Variants in CHD9 observed in about 807,000 individuals in gnomAD.
CHD9 encodes ATP-dependent chromatin remodeler CHD9.
CHD9 carries 77 observed loss-of-function variants against 316.1 expected under a neutral mutation model. The observed-to-expected ratio is 0.24, with a 90% CI of 0.20 to 0.29. The LOEUF (loss-of-function observed/expected upper bound fraction) is 0.29, where lower values mean the gene tolerates loss of function less well. Among genes scored for constraint, CHD9 ranks in the 10% least tolerant of loss-of-function variants. The probability of loss-of-function intolerance (pLI) is 1.00; values close to 1 mark genes in which losing one functional copy is unlikely to be tolerated. For missense variants in CHD9, 2,763 were observed against 3,438.1 expected (o/e 0.80, Z 4.91); for synonymous variants, 1,129 against 1,158.3 (o/e 0.97, Z 0.51).
chr16:53,069,346 T>C (rs1433310438), intron 1 of CHD9, among the ~76,000 whole-genome samples: 1 of 152,214 alleles, frequency 6.6e-6, no homozygotes, highest in Non-Finnish European at 1.5e-5. Context: ...TTCACATTGT[T>C]GTACAACCAT....
intron 30 of CHD9, among the ~76,000 whole-genome samples, chr16:53,301,299 A>G (rs930188526): frequency 6.6e-6 from 1 of 152,206 alleles, no homozygotes; most frequent in Non-Finnish European, 1.5e-5. Flanking sequence ...AATGTGAGTG[A>G]GGTTGAGGTT....
intron 13 of CHD9, among the ~76,000 whole-genome samples, chr16:53,243,691 C>T (rs916918781): frequency 6.6e-6 from 1 of 152,182 alleles, no homozygotes; most frequent in East Asian, 1.9e-4. Flanking sequence ...TTATATTATT[C>T]AGATCATTTA....
intron 1 of CHD9, among the ~76,000 whole-genome samples, chr16:53,137,519 T>A (rs900058131): frequency 2.0e-5 from 3 of 152,314 alleles, no homozygotes; most frequent in Admixed American, 2.0e-4. Flanking sequence ...AAATTTGTTG[T>A]TCCAATTTCT....
rs1206872711 is a variant in CHD9, at chr16:53,304,516, T to C, written c.6510T>C (p.Ser2170=). Residue 2170 remains serine (S), a synonymous_variant, in exon 31 of 39, where the codon TCT becomes TCC. Transcript: ENST00000447540. The part of the protein sequence containing the change: ...RSGSSSSSSS[S]CSSASSSSSS... ...GCTCTAGTTCTTCTTCATCTTCATC[T>C]TGTTCTTCAGCATCTTCTTCATCCT... The C allele has an allele frequency of 6.4e-7, 1 of 1,550,862 alleles. No homozygotes were observed. Among genetic ancestry groups the C allele is most frequent in the Admixed American group, 2.0e-5 (1 of 51,010 alleles).
intron 36 of CHD9, among the ~76,000 whole-genome samples, chr16:53,316,578 T>G (rs1320871171): frequency 6.6e-6 from 1 of 152,222 alleles, no homozygotes; most frequent in Non-Finnish European, 1.5e-5. Flanking sequence ...CATTTGTTCC[T>G]CTAAAGATTA....
chr16:53,093,055 A>T (rs781669681), intron 1 of CHD9, among the ~76,000 whole-genome samples: 1 of 152,222 alleles, frequency 6.6e-6, no homozygotes, highest in African/African-American at 2.4e-5. Flanking sequence ...TTGGGATTAC[A>T]GGCATGAGCC....
intron 2 of CHD9, among the ~76,000 whole-genome samples, chr16:53,193,549 C>T (rs1170487377): frequency 5.9e-5 from 9 of 152,126 alleles, no homozygotes; most frequent in Admixed American, 5.9e-4. Context: ...ATAATCTGAG[C>T]ATCTTTTCTA....
At chr16:53,272,987 G>A (rs2052419210) in intron 22 of CHD9, among the ~76,000 whole-genome samples, 1 of 152,128 alleles carries the variant, frequency 6.6e-6, no homozygotes, top group Non-Finnish European at 1.5e-5. Flanking sequence ...TACTCAGGAG[G>A]CTGAGGGAGG....
intron 1 of CHD9, among the ~76,000 whole-genome samples, chr16:53,148,255 T>C (rs1032232128): frequency 2.6e-5 from 4 of 152,096 alleles, no homozygotes; most frequent in African/African-American, 9.7e-5. Flanking sequence ...TTTGTTTTTG[T>C]TTTTTAGACA....
intron 1 of CHD9, among the ~76,000 whole-genome samples, chr16:53,086,616 A>T (rs2035481767): frequency 6.6e-6 from 1 of 152,232 alleles, no homozygotes; most frequent in Non-Finnish European, 1.5e-5. Context: ...ATGAGGAAAA[A>T]AATCATTTGT....
chr16:53,282,185 A>C (rs558059471), intron 24 of CHD9, among the ~76,000 whole-genome samples: 3 of 152,130 alleles, frequency 2.0e-5, no homozygotes, highest in African/African-American at 7.2e-5. Flanking sequence ...TAACATGTTT[A>C]CATCTCTGTC....
chr16:53,068,770 T>G (rs1324253501), intron 1 of CHD9, among the ~76,000 whole-genome samples: 1 of 152,234 alleles, frequency 6.6e-6, no homozygotes, highest in Non-Finnish European at 1.5e-5. Context: ...GTCTTGTTTA[T>G]ACCTGCGGTA....
intron 2 of CHD9, among the ~76,000 whole-genome samples, chr16:53,200,386 A>C (rs1255988633): frequency 6.6e-6 from 1 of 150,856 alleles, no homozygotes; most frequent in African/African-American, 2.4e-5. Flanking sequence ...AAAAAAAAAA[A>C]AAAACCACAA....
At chr16:53,275,794 T>G (rs1169452135) in intron 24 of CHD9, among the ~76,000 whole-genome samples, 1 of 152,198 alleles carries the variant, frequency 6.6e-6, no homozygotes, top group Non-Finnish European at 1.5e-5. Context: ...TCTTCTTCCC[T>G]CTTATTACAA....
chr16:53,306,158 G>T, intron 31 of CHD9, 79 bp from the exon 32 acceptor site: 1 of 821,542 alleles, frequency 1.2e-6, no homozygotes, highest in Non-Finnish European at 1.7e-6. Context: ...AGGTGTTTCT[G>T]AATAATTATG....
rs2041526805 is a variant in CHD9, at chr16:53,156,452, C to T, written c.363C>T (p.Gly121=). The T allele has an allele frequency of 1.9e-6, 3 of 1,613,978 alleles. No individual in the cohort carries two copies. The highest frequency in any genetic ancestry group is 2.5e-6 in the Non-Finnish European group (3 of 1,179,884). The change falls in exon 2 of 39, where the codon GGC becomes GGT. Residue 121 remains glycine (G), a synonymous_variant. Coordinates refer to ENST00000447540, the MANE Select transcript of CHD9 (RefSeq NM_001308319.2). ...GTTTGTTTCCAGATGTATCAGATGG[C>T]AGTCCAATGTGGGGCCATCAGACAG... ...PNGLFPDVSD[G]SPMWGHQTAT...
At chr16:53,196,957 C>T (rs2044979038) in intron 2 of CHD9, among the ~76,000 whole-genome samples, 1 of 152,104 alleles carries the variant, frequency 6.6e-6, no homozygotes, top group African/African-American at 2.4e-5. Flanking sequence ...TAGTGATTGT[C>T]AAAGGTAGGT....
intron 26 of CHD9, 23 bp downstream of exon 26, chr16:53,286,366 A>C: frequency 8.3e-7 from 1 of 1,200,950 alleles, no homozygotes; most frequent in Non-Finnish European, 1.2e-6. Context: ...CAGAGTCATG[A>C]ATTTTCTATA....
At chr16:53,068,704 G>A (rs939020099) in intron 1 of CHD9, among the ~76,000 whole-genome samples, 28 of 152,098 alleles carry the variant, frequency 1.8e-4, no homozygotes, top group African/African-American at 6.0e-4. Flanking sequence ...AACAATTCTC[G>A]TCTTTGTTCA....
Sources: allele counts gnomAD v4.1 joint callset (sites outside exome capture counted in the v4.1 genomes callset), GRCh38; gene constraint gnomAD v4.1.1; transcripts MANE v1.5; gene names NCBI Gene and HGNC (gene_info 2026-07-23, HGNC 2026-07-21).